GRIA1: variants seen among roughly 807,000 people sequenced by gnomAD.
The protein encoded by GRIA1 is glutamate ionotropic receptor AMPA type subunit 1.
In GRIA1, 31 loss-of-function variants were observed where a neutral mutation model predicts 99.2. That is an observed-to-expected ratio of 0.31 (90% CI 0.23 to 0.42). The LOEUF is 0.42. GRIA1 is among the 10% of genes least tolerant of loss of function. The pLI is 1.00. For synonymous variants in GRIA1, 438 were observed against 432.4 expected (o/e 1.01, Z -0.16); for missense variants, 782 against 1,157.5 (o/e 0.68, Z 4.71).
At chr5:153,700,743 G>A (rs997413649) in intron 10 of GRIA1, among the ~76,000 whole-genome samples, 1 of 152,184 alleles carries the variant, frequency 6.6e-6, no homozygotes, top group Admixed American at 6.5e-5. Context: ...TGCTCATAAG[G>A]ACAAGCAGCC....
At chr5:153,534,838 A>G (rs1270553607) in intron 2 of GRIA1, among the ~76,000 whole-genome samples, 1 of 152,222 alleles carries the variant, frequency 6.6e-6, no homozygotes, top group Non-Finnish European at 1.5e-5. Context: ...CACTGTCTTC[A>G]GAGAAAAGGG....
intron 2 of GRIA1, among the ~76,000 whole-genome samples, chr5:153,591,127 A>C (rs1013287229): frequency 3.3e-5 from 5 of 152,248 alleles, no homozygotes; most frequent in Non-Finnish European, 7.3e-5. Flanking sequence ...CGAAGAGTTG[A>C]GTGGAGAAGT....
intron 5 of GRIA1, 64 bp from the exon 6 acceptor site, chr5:153,674,436 G>A: frequency 1.9e-6 from 3 of 1,577,700 alleles, no homozygotes; most frequent in Non-Finnish European, 2.6e-6. Context: ...TGTGGTTTTG[G>A]AACAGGTTAA....
intron 2 of GRIA1, among the ~76,000 whole-genome samples, chr5:153,632,168 G>T (rs528060047): frequency 2.0e-5 from 3 of 152,302 alleles, no homozygotes; most frequent in Admixed American, 6.5e-5. Context: ...AAAAGGGAAA[G>T]TGGGCAAGGT....
intron 11 of GRIA1, among the ~76,000 whole-genome samples, chr5:153,749,920 A>T (rs1378117155): frequency 6.6e-6 from 1 of 152,104 alleles, no homozygotes; most frequent in East Asian, 1.9e-4. Flanking sequence ...CAGCTTACAG[A>T]GTACTGGGCT....
At chr5:153,564,667 T>C (rs974970712) in intron 2 of GRIA1, among the ~76,000 whole-genome samples, 2 of 152,160 alleles carry the variant, frequency 1.3e-5, no homozygotes, top group African/African-American at 4.8e-5. Context: ...GTCTTAAGGA[T>C]TGGCCTAGAT....
chr5:153,527,875 T>C (rs1418215160), intron 2 of GRIA1, among the ~76,000 whole-genome samples: 1 of 152,208 alleles, frequency 6.6e-6, no homozygotes, highest in Non-Finnish European at 1.5e-5. Context: ...TGATGACCCA[T>C]TGCAGTCCTT....
chr5:153,607,613 T>C (rs947087239), intron 2 of GRIA1, among the ~76,000 whole-genome samples: 3 of 152,058 alleles, frequency 2.0e-5, no homozygotes, highest in Non-Finnish European at 2.9e-5. Context: ...GTTCTTCTAG[T>C]GCTTACACTG....
intron 2 of GRIA1, among the ~76,000 whole-genome samples, chr5:153,591,954 C>CGGGT (rs1327980817): frequency 1.3e-5 from 2 of 152,320 alleles, no homozygotes; most frequent in Non-Finnish European, 2.9e-5. Flanking sequence ...AAGAAGTGGG[C>CGGGT]TACCCCTTTT....
intron 13 of GRIA1, among the ~76,000 whole-genome samples, chr5:153,781,709 C>A (rs574130595): frequency 7.2e-6 from 1 of 139,188 alleles, no homozygotes; most frequent in Non-Finnish European, 1.6e-5. Context: ...CAAATTAAAC[C>A]AACTGACAAC....
intron 10 of GRIA1, among the ~76,000 whole-genome samples, chr5:153,703,214 T>C (rs1758655789): frequency 6.6e-6 from 1 of 152,226 alleles, no homozygotes; most frequent in African/African-American, 2.4e-5. Context: ...CTTACATACA[T>C]GGGTACCTCT....
intron 13 of GRIA1, among the ~76,000 whole-genome samples, chr5:153,787,833 C>T (rs1028299821): frequency 4.6e-5 from 7 of 152,076 alleles, no homozygotes; most frequent in African/African-American, 1.7e-4. Context: ...TTAATGCATC[C>T]ACTTTGGGAG....
chr5:153,612,831 C>T (rs914835301), intron 2 of GRIA1, among the ~76,000 whole-genome samples: 2 of 151,982 alleles, frequency 1.3e-5, no homozygotes, highest in African/African-American at 4.8e-5. Flanking sequence ...TGAGAGCCAG[C>T]GGCAGTATTA....
At chr5:153,503,312 T>C (rs914031529) in intron 2 of GRIA1, among the ~76,000 whole-genome samples, 3 of 152,238 alleles carry the variant, frequency 2.0e-5, no homozygotes, top group Admixed American at 6.5e-5. Context: ...TGACATTGAC[T>C]TGCTGTGTAA....
intron 2 of GRIA1, among the ~76,000 whole-genome samples, chr5:153,640,080 T>C (rs1753679638): frequency 6.6e-6 from 1 of 152,228 alleles, no homozygotes; most frequent in African/African-American, 2.4e-5. Flanking sequence ...TCAGTCTGTT[T>C]GCCCTGGCCC....
chr5:153,768,099 T>C (rs994085742), intron 12 of GRIA1, among the ~76,000 whole-genome samples: 1 of 152,250 alleles, frequency 6.6e-6, no homozygotes, highest in Non-Finnish European at 1.5e-5. Flanking sequence ...GATTTGTGCC[T>C]GGAAGATTAT....
At chr5:153,512,142 A>G (rs1267177265) in intron 2 of GRIA1, among the ~76,000 whole-genome samples, 4 of 152,194 alleles carry the variant, frequency 2.6e-5, no homozygotes, top group Non-Finnish European at 5.9e-5. Flanking sequence ...GTGGAAGGTG[A>G]CAAGATAAGA....
At chr5:153,665,670 C>A (rs1270665430) in intron 5 of GRIA1, among the ~76,000 whole-genome samples, 2 of 152,136 alleles carry the variant, frequency 1.3e-5, no homozygotes, top group East Asian at 3.9e-4. Context: ...AATTGTAGAT[C>A]AAAGCTGGAA....
intron 2 of GRIA1, among the ~76,000 whole-genome samples, chr5:153,511,366 A>G (rs1486256561): frequency 2.6e-5 from 4 of 152,182 alleles, no homozygotes; most frequent in Non-Finnish European, 5.9e-5. Context: ...TACTTGTGGC[A>G]TGTATAGGAA....
Sources: gnomAD v4.1 joint callset for allele counts (sites outside exome capture counted in the v4.1 genomes callset) on GRCh38, gnomAD v4.1.1 for gene constraint, MANE v1.5 for transcripts, NCBI Gene and HGNC (gene_info 2026-07-23, HGNC 2026-07-21) for gene names.